The following PHLDB2 variants were observed in gnomAD, a reference collection of about 807,000 sequenced individuals.
PHLDB2 encodes the protein pleckstrin homology like domain family B member 2.
Under a neutral mutation model 123.6 loss-of-function variants are expected in PHLDB2, and 71 were observed. The observed-to-expected ratio is 0.57, with a 90% CI of 0.47 to 0.70. PHLDB2 has a LOEUF of 0.70. Ranked by LOEUF, PHLDB2 falls within the 30% of genes least tolerant of loss-of-function variation. PHLDB2 has a pLI of 0.00. For missense variants in PHLDB2, 1,446 were observed against 1,519.5 expected, an observed-to-expected ratio of 0.95 and a Z score of 0.80; for synonymous variants, 547 against 541.6, an observed-to-expected ratio of 1.01 and a Z score of -0.14.
chr3:111,910,230 A>T lies in PHLDB2; in HGVS notation c.1336-3089A>T, dbSNP rs146989959. 2.0e-3 allele frequency among the ~76,000 whole-genome samples: 312 copies of T among 152,276 alleles called. 2 individuals carry two copies. The highest frequency in any genetic ancestry group is 7.2e-3 in the African/African-American group (298 of 41,554). On this transcript the variant is annotated intron_variant, in intron 2 of 17. Coordinates refer to ENST00000431670, the MANE Select transcript of PHLDB2 (RefSeq NM_001134438.2). Reference sequence around the variant, plus strand: ...TGTGTCTCCTTCAACACTTCCTTTGATATATGTGGGAGATCAAGATGAAGA... The same window carrying T: ...TGTGTCTCCTTCAACACTTCCTTTGTTATATGTGGGAGATCAAGATGAAGA...
At chr3:111,911,850 C>A in intron 2 of PHLDB2, 1 of 780,992 alleles carries the variant, frequency 1.3e-6, no homozygotes, top group South Asian at 1.6e-5. Flanking sequence ...TCTGTCTTGT[C>A]ATTTGAGTAA....
intron 2 of PHLDB2, among the ~76,000 whole-genome samples, chr3:111,899,140 T>C (rs1365681425): frequency 6.6e-6 from 1 of 152,202 alleles, no homozygotes; most frequent in Non-Finnish European, 1.5e-5. Flanking sequence ...AAGCCAAAAT[T>C]ACCCCATGGG....
intron 1 of PHLDB2, among the ~76,000 whole-genome samples, chr3:111,837,093 A>G (rs931350157): frequency 1.2e-4 from 19 of 152,276 alleles, no homozygotes; most frequent in Admixed American, 8.5e-4. Flanking sequence ...ATCCTGTTAT[A>G]ACATTGTTAT....
At chr3:111,779,898 G>A (rs1458660875) in intron 1 of PHLDB2, 1 of 978,260 alleles carries the variant, frequency 1.0e-6, no homozygotes, top group African/African-American at 1.8e-5. Context: ...GGCCAATGAA[G>A]GGTTGGGTCA....
At chr3:111,781,042 G>A (rs975612676) in intron 1 of PHLDB2, among the ~76,000 whole-genome samples, 3 of 151,944 alleles carry the variant, frequency 2.0e-5, no homozygotes, top group African/African-American at 7.3e-5. Context: ...TACTTAGAAT[G>A]TTTTCTTTTG....
chr3:111,827,377 C>A (rs1559852313), intron 1 of PHLDB2, among the ~76,000 whole-genome samples: 1 of 152,166 alleles, frequency 6.6e-6, no homozygotes, highest in Admixed American at 6.5e-5. Context: ...TGTTATGACT[C>A]GGTTAAGGAA....
intron 12 of PHLDB2, among the ~76,000 whole-genome samples, chr3:111,961,193 T>C (rs2071392765): frequency 6.6e-6 from 1 of 152,120 alleles, no homozygotes; most frequent in Non-Finnish European, 1.5e-5. Flanking sequence ...TAGCTGAGTA[T>C]GGTGGTGCAC....
intron 2 of PHLDB2, among the ~76,000 whole-genome samples, chr3:111,897,592 G>A (rs2066949965): frequency 6.6e-6 from 1 of 152,214 alleles, no homozygotes; most frequent in Admixed American, 6.5e-5. Flanking sequence ...CCATATCCCA[G>A]CTCTGGGGTT....
At chr3:111,907,489 T>C (rs2067615671) in intron 2 of PHLDB2, among the ~76,000 whole-genome samples, 1 of 151,672 alleles carries the variant, frequency 6.6e-6, no homozygotes, top group Non-Finnish European at 1.5e-5. Context: ...AGGTTTTTTG[T>C]TTGTTTGTTT....
At chr3:111,878,222 T>C (rs2065745322) in intron 1 of PHLDB2, among the ~76,000 whole-genome samples, 1 of 152,218 alleles carries the variant, frequency 6.6e-6, no homozygotes, top group African/African-American at 2.4e-5. Flanking sequence ...TCCTCTCTTA[T>C]TTCTTTGAGC....
At position 111,920,368 on chromosome 3, in the gene PHLDB2, A is replaced by C; in HGVS notation, c.1950A>C (p.Leu650=). ...LMKEKEILDH[L]NRKIAELEKN... is the part of the protein sequence containing the mutation. ...AGGAGAAGGAGATTTTGGATCATCT[A>C]AACCGGAAAATAGCTGAACTGGAAA... The change falls in exon 5 of 18, where the codon CTA becomes CTC. Residue 650 remains leucine (L), a synonymous_variant. Transcript: ENST00000431670. The C allele has an allele frequency of 6.2e-7, 1 of 1,614,096 alleles. No homozygotes were observed.
At chr3:111,927,180 A>G (rs1370609803) in intron 5 of PHLDB2, among the ~76,000 whole-genome samples, 1 of 152,174 alleles carries the variant, frequency 6.6e-6, no homozygotes, top group African/African-American at 2.4e-5. Flanking sequence ...GTTTAGGAAC[A>G]GGAAGGAAAG....
At chr3:111,759,009 G>A (rs1194190717) in intron 1 of PHLDB2, among the ~76,000 whole-genome samples, 2 of 152,220 alleles carry the variant, frequency 1.3e-5, no homozygotes, top group Non-Finnish European at 2.9e-5. Flanking sequence ...GAGTCAGTCA[G>A]TAGAGTTTAC....
chr3:111,789,041 T>C (rs1452832376), intron 1 of PHLDB2, among the ~76,000 whole-genome samples: 1 of 152,196 alleles, frequency 6.6e-6, no homozygotes, highest in African/African-American at 2.4e-5. Flanking sequence ...GTTGGAATCA[T>C]ATTGGTGAGA....
chr3:111,876,087 T>C (rs990286890), intron 1 of PHLDB2, among the ~76,000 whole-genome samples: 1 of 152,160 alleles, frequency 6.6e-6, no homozygotes, highest in Non-Finnish European at 1.5e-5. Flanking sequence ...TGTGGAAGAA[T>C]AGGCATATTG....
At chr3:111,973,233 A>G (rs1410758305) in intron 16 of PHLDB2, among the ~76,000 whole-genome samples, 3 of 110,020 alleles carry the variant, frequency 2.7e-5, no homozygotes, top group African/African-American at 9.1e-5. Flanking sequence ...AGCTCTGTTG[A>G]AAACGGGGGA....
chr3:111,766,505 C>T (rs753142692), intron 1 of PHLDB2, among the ~76,000 whole-genome samples: 23 of 151,194 alleles, frequency 1.5e-4, no homozygotes, highest in African/African-American at 5.6e-4. Context: ...TTTACACGTG[C>T]ATAAAAAGAG....
intron 1 of PHLDB2, among the ~76,000 whole-genome samples, chr3:111,821,925 G>T (rs2062403972): frequency 6.6e-6 from 1 of 152,222 alleles, no homozygotes; most frequent in Non-Finnish European, 1.5e-5. Flanking sequence ...CTAATGGTCT[G>T]AAACTTCAGG....
intron 16 of PHLDB2, among the ~76,000 whole-genome samples, chr3:111,971,355 G>A (rs562052597): frequency 6.6e-6 from 1 of 151,998 alleles, no homozygotes; most frequent in Admixed American, 6.5e-5. Flanking sequence ...TTCATGACCT[G>A]GCCAACTGCT....
Sources: allele counts gnomAD v4.1 joint callset (sites outside exome capture counted in the v4.1 genomes callset), GRCh38; gene constraint gnomAD v4.1.1; transcripts MANE v1.5; gene names NCBI Gene and HGNC (gene_info 2026-07-23, HGNC 2026-07-21).